The following WDPCP variants were observed in gnomAD, a reference collection of about 807,000 sequenced individuals.
The protein encoded by WDPCP is WD repeat containing planar cell polarity effector, also known as WD repeat-containing and planar cell polarity effector protein fritz homolog.
Under a neutral mutation model 93.1 loss-of-function variants are expected in WDPCP, and 71 were observed. The observed-to-expected ratio is 0.76, with a 90% confidence interval of 0.63 to 0.93. WDPCP has a LOEUF of 0.93. Ranked by LOEUF, WDPCP falls within the 40% of genes least tolerant of loss-of-function variation. The pLI, the probability that WDPCP is intolerant of heterozygous loss-of-function variation, is 0.00. For synonymous variants in WDPCP, 315 were observed against 315.0 expected (o/e 1.00, Z 0.00); for missense variants, 844 against 887.4 (o/e 0.95, Z 0.62).
chr2:63,691,251 A>T (rs1277689155), intron 2 of WDPCP, among the ~76,000 whole-genome samples: 1 of 152,204 alleles, frequency 6.6e-6, no homozygotes, highest in Non-Finnish European at 1.5e-5. Context: ...GGATGTTTGG[A>T]TAGGATACAA....
At chr2:63,771,399 C>A (rs573010463) in intron 2 of WDPCP, among the ~76,000 whole-genome samples, 30 of 151,690 alleles carry the variant, frequency 2.0e-4, no homozygotes, top group African/African-American at 5.3e-4. Context: ...TAATTTAAAA[C>A]CTTTCTCTGG....
intron 12 of WDPCP, among the ~76,000 whole-genome samples, chr2:63,325,155 T>C (rs1687435515): frequency 6.6e-6 from 1 of 152,104 alleles, no homozygotes; most frequent in Non-Finnish European, 1.5e-5. Flanking sequence ...ATCAGAGAAA[T>C]GCTGCAGCCT....
chr2:63,240,458 A>G (rs1278901943), intron 14 of WDPCP, among the ~76,000 whole-genome samples: 1 of 152,158 alleles, frequency 6.6e-6, no homozygotes, highest in African/African-American at 2.4e-5. Flanking sequence ...TATTACAGGC[A>G]TGAACCACCA....
At chr2:63,298,277 C>A (rs569097536) in intron 13 of WDPCP, among the ~76,000 whole-genome samples, 1 of 151,846 alleles carries the variant, frequency 6.6e-6, no homozygotes, top group Non-Finnish European at 1.5e-5. Context: ...TTGAAGGGAT[C>A]GGTTACATTG....
intron 2 of WDPCP, among the ~76,000 whole-genome samples, chr2:63,752,853 A>G (rs1242776427): frequency 1.3e-5 from 2 of 151,834 alleles, no homozygotes; most frequent in Non-Finnish European, 2.9e-5. Context: ...CCACCAGCCC[A>G]GTTAATTTTT....
chr2:63,775,425 T>A (rs964669819), intron 2 of WDPCP, among the ~76,000 whole-genome samples: 5 of 152,218 alleles, frequency 3.3e-5, no homozygotes, highest in African/African-American at 7.2e-5. Flanking sequence ...TCCCTCTTTA[T>A]GAGGTTCTTT....
intron 17 of WDPCP, among the ~76,000 whole-genome samples, chr2:63,125,188 G>A (rs1049598117): frequency 7.9e-5 from 12 of 152,198 alleles, no homozygotes; most frequent in Admixed American, 2.6e-4. Context: ...CAAACTGACT[G>A]TAGTCTAGCA....
At chr2:63,166,517 G>A (rs770681533) in intron 15 of WDPCP, among the ~76,000 whole-genome samples, 8 of 152,038 alleles carry the variant, frequency 5.3e-5, no homozygotes, top group Non-Finnish European at 8.8e-5. Context: ...CGATTCTCAT[G>A]CCTCACTCTT....
chr2:63,759,305 G>A (rs1413214857), intron 2 of WDPCP, among the ~76,000 whole-genome samples: 2 of 152,158 alleles, frequency 1.3e-5, no homozygotes. Context: ...CATGCAACCT[G>A]TATCGGCCTC....
At chr2:63,729,804 A>G (rs1669536080) in intron 2 of WDPCP, among the ~76,000 whole-genome samples, 1 of 150,228 alleles carries the variant, frequency 6.7e-6, no homozygotes, top group Admixed American at 6.6e-5. Context: ...TTATGTAGTG[A>G]AAAAAAAAAT....
At chr2:63,622,289 G>A (rs1558868699) in intron 3 of WDPCP, 5 of 1,604,384 alleles carry the variant, frequency 3.1e-6, no homozygotes, top group Non-Finnish European at 4.3e-6. Flanking sequence ...TGGCTTCCTT[G>A]GCTGTCTCAA....
chr2:63,178,245 C>T (rs761117065), intron 14 of WDPCP, among the ~76,000 whole-genome samples: 13 of 152,016 alleles, frequency 8.6e-5, no homozygotes, highest in Non-Finnish European at 1.2e-4. Context: ...TTGGGATTTT[C>T]CCTTCTTTTA....
intron 3 of WDPCP, among the ~76,000 whole-genome samples, chr2:63,631,905 C>A (rs1488819109): frequency 2.0e-5 from 3 of 152,208 alleles, no homozygotes; most frequent in African/African-American, 7.2e-5. Flanking sequence ...TTGGTGCCAA[C>A]CCCAGCATCC....
At chr2:63,242,141 T>C (rs978884871) in intron 14 of WDPCP, among the ~76,000 whole-genome samples, 3 of 152,184 alleles carry the variant, frequency 2.0e-5, no homozygotes, top group Admixed American at 6.5e-5. Context: ...ATTCTTTATA[T>C]TACATTCTCT....
intron 1 of WDPCP, among the ~76,000 whole-genome samples, chr2:63,567,658 G>A (rs1257216588): frequency 6.6e-6 from 1 of 152,090 alleles, no homozygotes; most frequent in Non-Finnish European, 1.5e-5. Flanking sequence ...TCCCTCTAAA[G>A]TAGACATCCC....
At chr2:63,496,965 A>G (rs1014934072) in intron 1 of WDPCP, among the ~76,000 whole-genome samples, 2 of 151,976 alleles carry the variant, frequency 1.3e-5, no homozygotes, top group Admixed American at 6.6e-5. Context: ...TACAAAAATT[A>G]GCTGGGCATG....
At chr2:63,333,072 C>T (rs966756954) in intron 12 of WDPCP, among the ~76,000 whole-genome samples, 7 of 151,804 alleles carry the variant, frequency 4.6e-5, no homozygotes, top group Admixed American at 1.3e-4. Context: ...TTTTTTTGGC[C>T]CACACAGATA....
chr2:63,293,770 G>C (rs1306793917), intron 13 of WDPCP, among the ~76,000 whole-genome samples: 1 of 152,088 alleles, frequency 6.6e-6, no homozygotes, highest in Non-Finnish European at 1.5e-5. Context: ...GACAGAAAAA[G>C]AATCAGGAAC....
intron 1 of WDPCP, among the ~76,000 whole-genome samples, chr2:63,507,298 G>T (rs1442771104): frequency 6.6e-6 from 1 of 152,068 alleles, no homozygotes; most frequent in Non-Finnish European, 1.5e-5. Flanking sequence ...CAGGGCAACA[G>T]ACTTTCTCAA....
Sources: allele counts gnomAD v4.1 joint callset (sites outside exome capture counted in the v4.1 genomes callset), GRCh38; gene constraint gnomAD v4.1.1; transcripts MANE v1.5; gene names NCBI Gene and HGNC (gene_info 2026-07-23, HGNC 2026-07-21).